LRP1B: variants seen among roughly 807,000 people sequenced by gnomAD.
LRP1B encodes the protein LDL receptor related protein 1B, also known as low-density lipoprotein receptor-related protein 1B.
LRP1B carries 217 observed loss-of-function variants against 556.6 expected under a neutral mutation model. That is an observed-to-expected ratio of 0.39 (90% CI 0.35 to 0.44). The LOEUF (loss-of-function observed/expected upper bound fraction) is 0.44. Among genes scored for constraint, LRP1B ranks in the 20% least tolerant of loss-of-function variants. The pLI is 1.00. For missense variants in LRP1B, 5,053 were observed against 5,620.8 expected, an observed-to-expected ratio of 0.90 and a Z score of 3.23; for synonymous variants, 2,047 against 1,865.8, an observed-to-expected ratio of 1.10 and a Z score of -2.50.
intron 1 of LRP1B, among the ~76,000 whole-genome samples, chr2:142,013,775 GAGATGTC>G (rs1703031136): frequency 6.6e-6 from 1 of 152,080 alleles, no homozygotes; most frequent in Admixed American, 6.5e-5. Flanking sequence ...ACAGTGATTA[GAGATGTC>G]AGAGGCATTA....
chr2:141,423,623 G>A (rs923526442), intron 3 of LRP1B, among the ~76,000 whole-genome samples: 3 of 151,976 alleles, frequency 2.0e-5, no homozygotes, highest in African/African-American at 4.8e-5. Flanking sequence ...GGCTTTCATT[G>A]GTAAAGTGGT....
At chr2:140,318,716 A>C (rs1684641515) in intron 82 of LRP1B, among the ~76,000 whole-genome samples, 1 of 152,074 alleles carries the variant, frequency 6.6e-6, no homozygotes, top group Non-Finnish European at 1.5e-5. Context: ...GTGACGATTA[A>C]CAGAGTGGAC....
At chr2:140,611,038 T>C (rs913442212) in intron 41 of LRP1B, among the ~76,000 whole-genome samples, 4 of 152,174 alleles carry the variant, frequency 2.6e-5, no homozygotes, top group African/African-American at 9.7e-5. Context: ...GTTATTATTA[T>C]TACATTGCTC....
chr2:141,526,371 C>A (rs1684693977), intron 2 of LRP1B, among the ~76,000 whole-genome samples: 1 of 151,930 alleles, frequency 6.6e-6, no homozygotes, highest in Non-Finnish European at 1.5e-5. Flanking sequence ...GGCAAAAATC[C>A]ATAAGTCTGT....
intron 3 of LRP1B, among the ~76,000 whole-genome samples, chr2:141,471,972 A>C (rs1396886445): frequency 6.6e-6 from 1 of 152,210 alleles, no homozygotes; most frequent in Non-Finnish European, 1.5e-5. Context: ...AATTAACACT[A>C]TCAAGAGTTG....
rs1363615847 is a variant in LRP1B, at chr2:140,886,260, C to T, written c.3842G>A (p.Ser1281Asn). 21 of 1,609,792 alleles carry T rather than the reference C, an allele frequency of 1.3e-5. No individual in the cohort carries two copies. Among genetic ancestry groups the T allele is most frequent in the Non-Finnish European group, 1.8e-5 (21 of 1,176,904 alleles). The change falls in exon 24 of 91, where the codon AGT becomes AAT. Residue 1281 changes from serine to asparagine, a missense_variant. Ser to Asn is a conservative substitution (Grantham distance 46). Around this residue, in one of 5 missense-constraint regions of LRP1B, gnomAD observed 3,619 missense variants for 3,931.9 expected, o/e 0.92. Coordinates refer to ENST00000389484, the MANE Select transcript of LRP1B (RefSeq NM_018557.3). ...RRIDLHKRDY[S>N]LLVPGLRNTI... is the part of the protein sequence containing the mutation. ...GTTTCTCAATCCAGGAACAAGTAGACTATAGTCTCTTTTGTGAAGATCAAT... is the reference window on the plus strand; with the variant it reads ...GTTTCTCAATCCAGGAACAAGTAGATTATAGTCTCTTTTGTGAAGATCAAT...
intron 21 of LRP1B, among the ~76,000 whole-genome samples, chr2:140,915,985 G>A (rs182757712): frequency 1.1e-4 from 17 of 151,456 alleles, no homozygotes; most frequent in African/African-American, 2.9e-4. Context: ...CCGAGATCTC[G>A]CCACTGCACT....
intron 41 of LRP1B, among the ~76,000 whole-genome samples, chr2:140,677,880 A>AG (rs1437893521): frequency 1.3e-5 from 2 of 151,550 alleles, no homozygotes; most frequent in African/African-American, 4.8e-5. Flanking sequence ...ATGTCTCAAA[A>AG]AAAAAAAAAA....
In LRP1B at chr2:140,233,306, C is replaced by G. The variant is rs371555151; in HGVS notation, c.13680G>C (p.Pro4560=). The change falls in exon 91 of 91, where the codon CCG becomes CCC. Residue 4560 remains proline, a synonymous_variant. Coordinates refer to ENST00000389484, the MANE Select transcript of LRP1B (RefSeq NM_018557.3). ...CATCCATATATAATTTTGCATATAC[C>G]GGATTGGAGTAATTTGTTGGCTGAA... The part of the protein sequence containing the change: ...LTAGPTNYSN[P]VYAKLYMDGQ... 2 of 1,592,020 alleles carry G rather than the reference C, an allele frequency of 1.3e-6. No homozygotes were observed. The highest frequency in any genetic ancestry group is 1.7e-4 in the Middle Eastern group (1 of 5,908).
intron 1 of LRP1B, among the ~76,000 whole-genome samples, chr2:141,825,934 TAAAG>T (rs1216242135): frequency 6.6e-6 from 1 of 152,126 alleles, no homozygotes; most frequent in African/African-American, 2.4e-5. Flanking sequence ...TTTTCCATAA[TAAAG>T]AAATTACTGA....
At chr2:140,255,142 A>G (rs1310047396) in intron 86 of LRP1B, among the ~76,000 whole-genome samples, 2 of 152,140 alleles carry the variant, frequency 1.3e-5, no homozygotes, top group Non-Finnish European at 2.9e-5. Context: ...TAGTCATAAA[A>G]CTCTTACCAG....
chr2:141,911,527 C>G (rs1699907721), intron 1 of LRP1B, among the ~76,000 whole-genome samples: 1 of 152,110 alleles, frequency 6.6e-6, no homozygotes, highest in Admixed American at 6.6e-5. Flanking sequence ...AAAAATATAT[C>G]CCAAATAAGC....
intron 43 of LRP1B, among the ~76,000 whole-genome samples, chr2:140,582,147 C>T (rs1036486176): frequency 8.5e-5 from 13 of 152,060 alleles, no homozygotes; most frequent in African/African-American, 2.2e-4. Flanking sequence ...TCATTTACCG[C>T]GTATTTGATT....
chr2:140,765,823 T>C (rs187521685), intron 35 of LRP1B, among the ~76,000 whole-genome samples: 109 of 152,234 alleles, frequency 7.2e-4, no homozygotes, highest in African/African-American at 2.5e-3. Context: ...TATTGATAAA[T>C]TATGATACTT....
At chr2:141,770,794 T>C (rs941264843) in intron 2 of LRP1B, among the ~76,000 whole-genome samples, 2 of 152,272 alleles carry the variant, frequency 1.3e-5, no homozygotes, top group Admixed American at 1.3e-4. Flanking sequence ...GAACCCCTAT[T>C]GATATGTATT....
intron 51 of LRP1B, among the ~76,000 whole-genome samples, chr2:140,511,218 G>A (rs1258601705): frequency 6.7e-6 from 1 of 149,588 alleles, no homozygotes; most frequent in East Asian, 2.0e-4. Context: ...GTTGTTAGGA[G>A]CAGAAAATTC....
At chr2:140,784,259 T>C (rs916032547) in intron 32 of LRP1B, among the ~76,000 whole-genome samples, 2 of 151,990 alleles carry the variant, frequency 1.3e-5, no homozygotes, top group African/African-American at 4.8e-5. Context: ...CCCTGACTTT[T>C]GGGGAGGCTG....
At chr2:141,150,907 G>C (rs1374905881) in intron 7 of LRP1B, among the ~76,000 whole-genome samples, 2 of 147,914 alleles carry the variant, frequency 1.4e-5, no homozygotes, top group South Asian at 4.2e-4. Flanking sequence ...GTGTGTGTGT[G>C]TGTGTGTTTG....
At position 140,702,415 on chromosome 2, in the gene LRP1B, A is replaced by C. The variant is rs1327358640; in HGVS notation, c.6150+12T>G. 1 of 1,612,600 alleles carries C rather than the reference A, an allele frequency of 6.2e-7. No individual in the cohort carries two copies. The highest frequency in any genetic ancestry group is 1.7e-5 in the Admixed American group (1 of 59,700). The stretch of plus-strand genomic sequence containing the variant: ...TAAGGCACTTTAAATACTGAAAAGA[A>C]ATCCAACAGACCTCATAGTCGATGG... On this transcript the variant is annotated intron_variant, in intron 38 of 90. Transcript: ENST00000389484.
Sources: allele counts gnomAD v4.1 joint callset (sites outside exome capture counted in the v4.1 genomes callset), GRCh38; gene constraint gnomAD v4.1.1; regional missense constraint gnomAD v4.1.1; transcripts MANE v1.5; gene names NCBI Gene and HGNC (gene_info 2026-07-23, HGNC 2026-07-21).